Variants in SUCLG2 observed in about 807,000 individuals in gnomAD.
The protein encoded by SUCLG2 is succinate--CoA ligase [GDP-forming] subunit beta, mitochondrial.
In SUCLG2, 42 loss-of-function variants were observed where a neutral mutation model predicts 47.9. The observed-to-expected ratio is 0.88, with a 90% CI of 0.69 to 1.14. SUCLG2 has a LOEUF of 1.14. SUCLG2 is among the 50% of genes most tolerant of loss of function. The pLI, the probability that SUCLG2 is intolerant of heterozygous loss-of-function variation, is 0.00. For synonymous variants in SUCLG2, 195 were observed against 197.3 expected (o/e 0.99, Z 0.10); for missense variants, 571 against 525.9 (o/e 1.09, Z -0.84).
chr3:67,379,765 T>C (rs1224544619), intron 10 of SUCLG2, among the ~76,000 whole-genome samples: 1 of 152,230 alleles, frequency 6.6e-6, no homozygotes, highest in African/African-American at 2.4e-5. Flanking sequence ...ACAAGGCATC[T>C]GTTAAATGGT....
intron 9 of SUCLG2, among the ~76,000 whole-genome samples, chr3:67,467,008 G>C (rs967112711): frequency 6.6e-6 from 1 of 152,200 alleles, no homozygotes; most frequent in Non-Finnish European, 1.5e-5. Flanking sequence ...TACAAGTCAG[G>C]ATTCTGACAA....
chr3:67,414,413 A>G (rs959609901), intron 9 of SUCLG2, among the ~76,000 whole-genome samples: 7 of 152,192 alleles, frequency 4.6e-5, no homozygotes, highest in Non-Finnish European at 1.0e-4. Context: ...TATATTGACT[A>G]ACTGACTTGC....
intron 1 of SUCLG2, among the ~76,000 whole-genome samples, chr3:67,643,622 G>C (rs914547390): frequency 6.6e-6 from 1 of 152,056 alleles, no homozygotes; most frequent in Non-Finnish European, 1.5e-5. Context: ...AGAGGGCTGG[G>C]GTGCTCTCAC....
chr3:67,461,782 A>C (rs1210209457), intron 9 of SUCLG2, among the ~76,000 whole-genome samples: 1 of 152,118 alleles, frequency 6.6e-6, no homozygotes, highest in African/African-American at 2.4e-5. Flanking sequence ...CATGGCCCCC[A>C]GCTGAGAACA....
At chr3:67,448,557 G>A (rs1353995474) in intron 9 of SUCLG2, among the ~76,000 whole-genome samples, 4 of 152,268 alleles carry the variant, frequency 2.6e-5, no homozygotes, top group East Asian at 1.9e-4. Context: ...GCTAATTTTT[G>A]TATTTTTAGT....
At chr3:67,470,686 G>A (rs1346572206) in intron 9 of SUCLG2, among the ~76,000 whole-genome samples, 1 of 152,206 alleles carries the variant, frequency 6.6e-6, no homozygotes, top group Non-Finnish European at 1.5e-5. Flanking sequence ...CCAGATGGTT[G>A]AGCAGGTGCT....
At chr3:67,389,680 G>C (rs1246340733) in intron 10 of SUCLG2, among the ~76,000 whole-genome samples, 2 of 151,720 alleles carry the variant, frequency 1.3e-5, no homozygotes, top group Non-Finnish European at 2.9e-5. Context: ...TCCAACCTTA[G>C]AGTATGATTT....
chr3:67,507,882 T>C (rs1029869206), intron 7 of SUCLG2, among the ~76,000 whole-genome samples: 1 of 152,252 alleles, frequency 6.6e-6, no homozygotes, highest in Admixed American at 6.5e-5. Context: ...CTGGTATCCC[T>C]ATCCTATCCA....
chr3:67,533,352 A>C (rs1424527982), intron 2 of SUCLG2, among the ~76,000 whole-genome samples: 1 of 152,164 alleles, frequency 6.6e-6, no homozygotes, highest in Non-Finnish European at 1.5e-5. Flanking sequence ...ATGATCATCT[A>C]TTTGGAGTCA....
At chr3:67,455,484 AGAG>A (rs1309558002) in intron 9 of SUCLG2, among the ~76,000 whole-genome samples, 1 of 152,246 alleles carries the variant, frequency 6.6e-6, no homozygotes. Flanking sequence ...CTGGAGGAAA[AGAG>A]GAGATTTTAA....
chr3:67,577,931 A>T lies in SUCLG2; in HGVS notation c.226+31524T>A, dbSNP rs575485323. ...ATACCCTCTCAAGATCTTAAGAGCA[A>T]TAGGAAGAAGAGAAGGTGTCAAATC... On this transcript the variant is annotated intron_variant, in intron 2 of 10. Coordinates refer to ENST00000307227, the MANE Select transcript of SUCLG2 (RefSeq NM_003848.4). Among the ~76,000 whole-genome samples, 5 of 152,330 alleles carry T rather than the reference A, an allele frequency of 3.3e-5. No homozygotes were observed. The South Asian group carries it at 1.0e-3, about 32-fold the overall frequency.
intron 6 of SUCLG2, among the ~76,000 whole-genome samples, chr3:67,515,891 G>A (rs911032086): frequency 6.6e-6 from 1 of 152,046 alleles, no homozygotes; most frequent in South Asian, 2.1e-4. Context: ...ACACTCAGGT[G>A]TCCCTAGATG....
At chr3:67,418,805 A>T (rs1368523042) in intron 9 of SUCLG2, among the ~76,000 whole-genome samples, 1 of 152,122 alleles carries the variant, frequency 6.6e-6, no homozygotes, top group Non-Finnish European at 1.5e-5. Flanking sequence ...CACTACCTTT[A>T]ACTGTTCTTC....
At chr3:67,547,965 G>A (rs1264167321) in intron 2 of SUCLG2, among the ~76,000 whole-genome samples, 1 of 152,130 alleles carries the variant, frequency 6.6e-6, no homozygotes, top group African/African-American at 2.4e-5. Context: ...AAACAAAATC[G>A]CCTCATTCTC....
intron 9 of SUCLG2, among the ~76,000 whole-genome samples, chr3:67,428,481 A>G (rs1703367959): frequency 6.6e-6 from 1 of 152,224 alleles, no homozygotes; most frequent in African/African-American, 2.4e-5. Flanking sequence ...ATAAAACCAC[A>G]AAGATGGTGA....
intron 5 of SUCLG2, among the ~76,000 whole-genome samples, chr3:67,518,947 A>G (rs1388981445): frequency 6.6e-6 from 1 of 152,174 alleles, no homozygotes; most frequent in Admixed American, 6.5e-5. Flanking sequence ...TTTCCAAGGT[A>G]ATTAACTTAT....
chr3:67,487,244 G>C (rs143736208), intron 9 of SUCLG2, among the ~76,000 whole-genome samples: 2 of 152,060 alleles, frequency 1.3e-5, no homozygotes, highest in Non-Finnish European at 2.9e-5. Flanking sequence ...ATGGTATGTT[G>C]ATTCATGAAA....
At chr3:67,547,721 G>A (rs745434165) in intron 2 of SUCLG2, among the ~76,000 whole-genome samples, 55 of 152,106 alleles carry the variant, frequency 3.6e-4, no homozygotes, top group Non-Finnish European at 5.9e-4. Flanking sequence ...CAATTTTCAC[G>A]AATCAACTAA....
chr3:67,378,932 G>A (rs1702091977), intron 10 of SUCLG2, among the ~76,000 whole-genome samples: 1 of 152,062 alleles, frequency 6.6e-6, no homozygotes, highest in Non-Finnish European at 1.5e-5. Context: ...TGGACCAGAA[G>A]GTAAATGACA....
Sources: gnomAD v4.1 joint callset for allele counts (sites outside exome capture counted in the v4.1 genomes callset) on GRCh38, gnomAD v4.1.1 for gene constraint, MANE v1.5 for transcripts, NCBI Gene and HGNC (gene_info 2026-07-23, HGNC 2026-07-21) for gene names.